Variants in STX5 observed in about 807,000 individuals in gnomAD.
The protein encoded by STX5 is syntaxin-5.
STX5 carries 15 observed loss-of-function variants against 42.9 expected under a neutral mutation model. That is an observed-to-expected ratio of 0.35 (90% confidence interval 0.23 to 0.54). The LOEUF (loss-of-function observed/expected upper bound fraction) is 0.54, where lower values mean the gene tolerates loss of function less well. STX5 is among the 20% of genes least tolerant of loss of function. The pLI, the probability that STX5 is intolerant of heterozygous loss-of-function variation, is 0.91. For missense variants in STX5, 430 were observed against 455.0 expected, an observed-to-expected ratio of 0.95 and a Z score of 0.50; for synonymous variants, 184 against 173.2, an observed-to-expected ratio of 1.06 and a Z score of -0.49.
chr11:62,827,572 G>A lies in STX5; in HGVS notation c.285C>T (p.Thr95=), dbSNP rs149057421. ...TTCTCTCAACTCACTTGGCCATGAGGGTGAATTCACTGCGTTGTCGGACAG... is the reference window on the plus strand; with the variant it reads ...TTCTCTCAACTCACTTGGCCATGAGAGTGAATTCACTGCGTTGTCGGACAG... ...LRAVRQRSEF[T]LMAKRIGKDL... Residue 95 remains threonine, a synonymous_variant, in exon 3 of 11, where the codon ACC becomes ACT. Coordinates refer to ENST00000294179, the MANE Select transcript of STX5 (RefSeq NM_003164.5). 6.2e-7 allele frequency: 1 copy of A among 1,614,078 alleles called. No homozygotes were observed. The highest frequency in any genetic ancestry group is 1.3e-5 in the African/African-American group (1 of 74,910).
At position 62,831,070 on chromosome 11, in the gene STX5, C is replaced by G. The variant is rs1410853115; in HGVS notation, c.174G>C (p.Arg58=). 4 of 1,556,346 alleles carry G rather than the reference C, an allele frequency of 2.6e-6. No individual in the cohort carries two copies. In the Admixed American group the frequency reaches 5.8e-5, roughly 23 times the overall value. ...CAGACAGAAACTCCTGGGTCCGATC[C>G]CGGCAGGACATGGTGTCGGGAGGGG... ...VPPPPDTMSC[R]DRTQEFLSAC... Residue 58 remains arginine (R), a synonymous_variant, in exon 2 of 11, where the codon CGG becomes CGC. Transcript: ENST00000294179.
intron 10 of STX5, among the ~76,000 whole-genome samples, chr11:62,814,653 G>A (rs2084653926): frequency 6.7e-6 from 1 of 149,894 alleles, no homozygotes; most frequent in Admixed American, 6.6e-5. Context: ...TTGAGATGGA[G>A]TTTCGCTCGT....
intron 10 of STX5, among the ~76,000 whole-genome samples, chr11:62,808,804 A>G (rs1429561683): frequency 1.3e-5 from 2 of 152,044 alleles, no homozygotes; most frequent in Non-Finnish European, 2.9e-5. Context: ...GGATAACCTC[A>G]TCAAGTGCCT....
rs775901479 is a variant in STX5 at position 62,825,050 on chromosome 11, G to A, written c.665C>T (p.Ala222Val). The A allele has an allele frequency of 3.7e-6, 6 of 1,613,838 alleles. No individual in the cohort carries two copies. In the East Asian group the frequency reaches 1.3e-4, roughly 36 times the overall value. ...CTGTGACTTACCCAGGTGGTTAGGG[G>A]CAAGGGGCAGGGCTGACACAGGTGC... The part of the protein sequence containing the change: ...SRAPVSALPL[A>V]PNHLGGGAVV... Residue 222 changes from alanine to valine, a missense_variant, in exon 8 of 11, where the codon GCC (alanine) becomes GTC (valine). Ala to Val is a moderately conservative substitution (Grantham distance 64). Coordinates refer to ENST00000294179, the MANE Select transcript of STX5 (RefSeq NM_003164.5).
At chr11:62,809,391 T>C (rs1041024689) in intron 10 of STX5, among the ~76,000 whole-genome samples, 1 of 138,456 alleles carries the variant, frequency 7.2e-6, no homozygotes, top group Admixed American at 7.2e-5. Context: ...AATGACATTA[T>C]GGGCAGGGCG....
intron 10 of STX5, chr11:62,807,870 C>T (rs562912230): frequency 9.5e-5 from 60 of 630,272 alleles, no homozygotes; most frequent in African/African-American, 1.8e-4. Context: ...TTTTCCTCAC[C>T]GGCAAAATGA....
chr11:62,810,281 A>G (rs1479702875), intron 10 of STX5, among the ~76,000 whole-genome samples: 1 of 151,864 alleles, frequency 6.6e-6, no homozygotes, highest in African/African-American at 2.4e-5. Context: ...TCTCTACAAA[A>G]AAATTTAAAA....
chr11:62,807,683 G>A, intron 10 of STX5, 55 bp from the exon 11 acceptor site: 1 of 1,601,922 alleles, frequency 6.2e-7, no homozygotes, highest in Non-Finnish European at 8.5e-7. Context: ...TAAAAAGAAT[G>A]CTGTTGAAGT....
In STX5 at chr11:62,812,969, G is replaced by A. The variant is rs1011473612; in HGVS notation, c.909-5341C>T. Reference sequence around the variant, plus strand: ...TCTACTAAAAATACAAAAATTATCCGGACATGGTGGCTCGTGCCTGTAGTC... The same window carrying A: ...TCTACTAAAAATACAAAAATTATCCAGACATGGTGGCTCGTGCCTGTAGTC... On this transcript the variant is annotated intron_variant, in intron 10 of 10. Coordinates refer to ENST00000294179, the MANE Select transcript of STX5 (RefSeq NM_003164.5). Among the ~76,000 whole-genome samples, 16 of 151,626 alleles carry A rather than the reference G, an allele frequency of 1.1e-4. 1 individual carries two copies. Among genetic ancestry groups the A allele is most frequent in the Admixed American group, 1.3e-4 (2 of 15,200 alleles).
At chr11:62,820,511 T>C (rs1047906760) in intron 10 of STX5, among the ~76,000 whole-genome samples, 3 of 149,508 alleles carry the variant, frequency 2.0e-5, no homozygotes, top group Non-Finnish European at 4.4e-5. Context: ...ATTTTACTAT[T>C]TTCTTTTTCT....
intron 10 of STX5, among the ~76,000 whole-genome samples, chr11:62,814,142 A>G (rs2084647216): frequency 6.6e-6 from 1 of 152,162 alleles, no homozygotes; most frequent in African/African-American, 2.4e-5. Flanking sequence ...TAAAGCCTAT[A>G]GCGATGCTCA....
At chr11:62,823,880 A>G in intron 10 of STX5, 1 of 410,806 alleles carries the variant, frequency 2.4e-6, no homozygotes, top group Non-Finnish European at 4.6e-6. Context: ...AGCTGTCCTC[A>G]TCTGCCCTAT....
At chr11:62,820,190 G>A (rs1259535901) in intron 10 of STX5, among the ~76,000 whole-genome samples, 3 of 151,572 alleles carry the variant, frequency 2.0e-5, no homozygotes, top group South Asian at 2.1e-4. Context: ...CTAACATGGT[G>A]AAACCCTGTC....
At position 62,831,169 on chromosome 11, in the gene STX5, G is replaced by A. The variant is rs765273549; in HGVS notation, c.75C>T (p.Val25=). 3.6e-5 allele frequency: 56 copies of A among 1,563,890 alleles called. No homozygotes were observed. The South Asian group carries it at 6.5e-4, about 18-fold the overall frequency. The change falls in exon 2 of 11, where the codon GTC becomes GTT. Residue 25 remains valine (V), a synonymous_variant. Transcript: ENST00000294179. The part of the protein sequence containing the change: ...GVYLGLSKTQ[V]LSPATAGSSS... ...TACTGCCAGCAGTTGCAGGGGACAGGACCTGTGTCTTTGAGAGACCCAGGT... is the reference window on the plus strand; with the variant it reads ...TACTGCCAGCAGTTGCAGGGGACAGAACCTGTGTCTTTGAGAGACCCAGGT...
chr11:62,827,447 C>T (rs1248869419), intron 3 of STX5, 49 bp from the exon 4 acceptor site: 1 of 1,613,494 alleles, frequency 6.2e-7, no homozygotes, highest in African/African-American at 1.3e-5. Flanking sequence ...GACGCCTTTT[C>T]CCACATAAGC....
chr11:62,822,119 T>C (rs923189295), intron 10 of STX5, among the ~76,000 whole-genome samples: 9 of 152,152 alleles, frequency 5.9e-5, no homozygotes, highest in Admixed American at 5.9e-4. Context: ...TCCCGGCACT[T>C]TGGGAGGCCA....
At chr11:62,824,711 T>C in intron 8 of STX5, 146 bp from the exon 9 acceptor site, 1 of 729,592 alleles carries the variant, frequency 1.4e-6, no homozygotes, top group Non-Finnish European at 2.3e-6. Context: ...CTCAGTTTCC[T>C]CACCTGTAAA....
At chr11:62,822,462 A>C (rs1200991309) in intron 10 of STX5, among the ~76,000 whole-genome samples, 1 of 152,124 alleles carries the variant, frequency 6.6e-6, no homozygotes, top group East Asian at 1.9e-4. Flanking sequence ...TTCCCCTCTG[A>C]CCACACCTTG....
chr11:62,816,917 C>CT (rs1442888107), intron 10 of STX5, among the ~76,000 whole-genome samples: 3 of 151,402 alleles, frequency 2.0e-5, no homozygotes, highest in African/African-American at 7.3e-5. Context: ...AAAGAGCTGT[C>CT]TATTCATCTA....
Sources: gnomAD v4.1 joint callset for allele counts (sites outside exome capture counted in the v4.1 genomes callset) on GRCh38, gnomAD v4.1.1 for gene constraint, MANE v1.5 for transcripts, NCBI Gene and HGNC (gene_info 2026-07-23, HGNC 2026-07-21) for gene names.